The following HORMAD2 variants were observed in gnomAD, a reference collection of about 807,000 sequenced individuals.
The protein encoded by HORMAD2 is HORMA domain-containing protein 2.
In HORMAD2, 45 loss-of-function variants were observed where a neutral mutation model predicts 38.8. That is an observed-to-expected ratio of 1.16 (90% CI 0.91 to 1.49). The LOEUF (loss-of-function observed/expected upper bound fraction) is 1.49, where lower values mean the gene tolerates loss of function less well. Among genes scored for constraint, HORMAD2 ranks in the 40% most tolerant of loss-of-function variants. The pLI, the probability that HORMAD2 is intolerant of heterozygous loss-of-function variation, is 0.00. For synonymous variants in HORMAD2, 126 were observed against 122.8 expected (o/e 1.03, Z -0.17); for missense variants, 338 against 367.0 (o/e 0.92, Z 0.65).
intron 7 of HORMAD2, among the ~76,000 whole-genome samples, chr22:30,114,264 T>A (rs971172269): frequency 6.6e-6 from 1 of 152,202 alleles, no homozygotes; most frequent in South Asian, 2.1e-4. Flanking sequence ...GGGTAGATAG[T>A]GATGCCTAAC....
intron 5 of HORMAD2, 23 bp downstream of exon 5, chr22:30,104,460 A>T (rs750002974): frequency 1.6e-4 from 247 of 1,575,528 alleles, no homozygotes; most frequent in Non-Finnish European, 1.4e-5. Flanking sequence ...TTACACTTAC[A>T]CTGGAATCAA....
chr22:30,193,752 CAG>C, the HORMAD2 span, among the ~76,000 whole-genome samples: 21 of 152,354 alleles, frequency 1.4e-4, no homozygotes, highest in African/African-American at 4.8e-4. Flanking sequence ...GCTTCTGACA[CAG>C]GGCTACCTGG....
At chr22:30,184,480 A>T in the HORMAD2 span, among the ~76,000 whole-genome samples, 1 of 152,188 alleles carries the variant, frequency 6.6e-6, no homozygotes, top group Non-Finnish European at 1.5e-5. Flanking sequence ...CAAGTTACTT[A>T]TCATCTTCTA....
intron 1 of HORMAD2, among the ~76,000 whole-genome samples, chr22:30,087,706 G>C: frequency 6.7e-6 from 1 of 150,302 alleles, no homozygotes; most frequent in African/African-American, 2.4e-5. Context: ...GGCCAAAGCA[G>C]GAGAGAGAGA....
At chr22:30,095,273 T>A (rs2068762141) in intron 2 of HORMAD2, among the ~76,000 whole-genome samples, 1 of 152,234 alleles carries the variant, frequency 6.6e-6, no homozygotes, top group African/African-American at 2.4e-5. Flanking sequence ...TTAGTTTACA[T>A]GACTTTAATA....
At chr22:30,129,960 C>G (rs1923160774) in intron 10 of HORMAD2, among the ~76,000 whole-genome samples, 1 of 152,174 alleles carries the variant, frequency 6.6e-6, no homozygotes, top group Non-Finnish European at 1.5e-5. Flanking sequence ...CACGCCTTTC[C>G]TGTATCCTAC....
the HORMAD2 span, among the ~76,000 whole-genome samples, chr22:30,202,859 T>C: frequency 2.0e-5 from 3 of 152,142 alleles, no homozygotes; most frequent in African/African-American, 7.2e-5. Context: ...CAGCGGCTGT[T>C]CCTCCTTAAT....
At chr22:30,109,282 C>T (rs1210875290) in intron 5 of HORMAD2, among the ~76,000 whole-genome samples, 4 of 152,190 alleles carry the variant, frequency 2.6e-5, no homozygotes, top group African/African-American at 7.2e-5. Flanking sequence ...CCTCAGACTC[C>T]CAAAGTGCTG....
intron 5 of HORMAD2, among the ~76,000 whole-genome samples, chr22:30,108,084 T>A (rs769445883): frequency 1.3e-5 from 2 of 152,186 alleles, no homozygotes; most frequent in East Asian, 3.9e-4. Flanking sequence ...GGGTGATTTT[T>A]ATACTTATTT....
chr22:30,150,982 G>A (rs1924712938), intron 10 of HORMAD2, among the ~76,000 whole-genome samples: 1 of 152,156 alleles, frequency 6.6e-6, no homozygotes. Context: ...GATTCCAACT[G>A]TTTCATAAAT....
At chr22:30,153,138 C>T (rs1321165502) in intron 10 of HORMAD2, among the ~76,000 whole-genome samples, 1 of 152,042 alleles carries the variant, frequency 6.6e-6, no homozygotes. Context: ...AATCATTCTC[C>T]TGCATTATCC....
intron 10 of HORMAD2, 30 bp from the exon 11 acceptor site, chr22:30,176,033 A>C: frequency 1.4e-6 from 2 of 1,425,302 alleles, no homozygotes; most frequent in South Asian, 2.3e-5. Flanking sequence ...ATCTCTGCTG[A>C]ATTGTGCCTC....
chr22:30,108,343 T>C (rs1921361537), intron 5 of HORMAD2, among the ~76,000 whole-genome samples: 1 of 152,166 alleles, frequency 6.6e-6, no homozygotes, highest in African/African-American at 2.4e-5. Context: ...CTTCACATGG[T>C]CTGCAAGGCC....
At chr22:30,166,683 GTATAAGACAAT>G (rs1318738378) in intron 10 of HORMAD2, among the ~76,000 whole-genome samples, 6 of 152,120 alleles carry the variant, frequency 3.9e-5, no homozygotes, top group Non-Finnish European at 5.9e-5. Flanking sequence ...TCCAATCCAA[GTATAAGACAAT>G]TTGTTTACAA....
At chr22:30,177,872 G>C (rs1250564150), downstream of HORMAD2, among the ~76,000 whole-genome samples, 5 of 151,846 alleles carry the variant, frequency 3.3e-5, no homozygotes, top group African/African-American at 1.2e-4. Context: ...TAGAGATGGG[G>C]GTTCGCCATG....
At chr22:30,149,450 C>T (rs1247853693) in intron 10 of HORMAD2, among the ~76,000 whole-genome samples, 3 of 152,204 alleles carry the variant, frequency 2.0e-5, no homozygotes, top group Non-Finnish European at 4.4e-5. Flanking sequence ...AGATATAGAA[C>T]ATTCCCATCA....
At position 30,138,489 on chromosome 22, in the gene HORMAD2, G is replaced by A. The variant is rs141148866; in HGVS notation, c.819+16275G>A. ...AGCTTCCTTTGCCCATTTTAAAAAC[G>A]GTCATTTGTCCTTTTATTACTGAGG... On this transcript the variant is annotated intron_variant, in intron 10 of 10. Transcript: ENST00000336726. Among the ~76,000 whole-genome samples, 936 of 151,930 alleles carry A rather than the reference G, an allele frequency of 6.2e-3. 4 individuals are homozygous for A. The highest frequency in any genetic ancestry group is 0.011 in the Non-Finnish European group (747 of 67,956).
At chr22:30,081,519 A>C (rs549154151) in intron 1 of HORMAD2, among the ~76,000 whole-genome samples, 1 of 152,270 alleles carries the variant, frequency 6.6e-6, no homozygotes, top group East Asian at 1.9e-4. Flanking sequence ...GGAAGGTCTA[A>C]GTAATTGGGC....
At chr22:30,190,577 G>A in the HORMAD2 span, among the ~76,000 whole-genome samples, 1 of 152,214 alleles carries the variant, frequency 6.6e-6, no homozygotes, top group Admixed American at 6.5e-5. Context: ...TAAGGTTGAA[G>A]CACTCTTCTC....
Sources: allele counts gnomAD v4.1 joint callset (sites outside exome capture counted in the v4.1 genomes callset), GRCh38; gene constraint gnomAD v4.1.1; transcripts MANE v1.5; gene names NCBI Gene and HGNC (gene_info 2026-07-23, HGNC 2026-07-21).